RAP1GAP2: variants seen among roughly 807,000 people sequenced by gnomAD.
The protein encoded by RAP1GAP2 is rap1 GTPase-activating protein 2.
In RAP1GAP2, 27 loss-of-function variants were observed where a neutral mutation model predicts 95.0. The observed-to-expected ratio is 0.28, with a 90% CI of 0.21 to 0.39. The LOEUF is 0.39. RAP1GAP2 is among the 10% of genes least tolerant of loss of function. The pLI, the probability that RAP1GAP2 is intolerant of heterozygous loss-of-function variation, is 1.00. For synonymous variants in RAP1GAP2, 373 were observed against 380.9 expected (o/e 0.98, Z 0.24); for missense variants, 771 against 970.0 (o/e 0.79, Z 2.72).
chr17:2,932,846 G>A (rs1341348912), intron 3 of RAP1GAP2, among the ~76,000 whole-genome samples: 1 of 139,356 alleles, frequency 7.2e-6, no homozygotes, highest in African/African-American at 2.7e-5. Flanking sequence ...AAAAAAAAGA[G>A]CAGGGACCAC....
intron 2 of RAP1GAP2, among the ~76,000 whole-genome samples, chr17:2,830,306 C>T (rs979433703): frequency 3.3e-5 from 5 of 151,988 alleles, no homozygotes; most frequent in East Asian, 1.9e-4. Context: ...TCGAGCTACT[C>T]GGGAGGCTGA....
At position 2,800,566 on chromosome 17, in the gene RAP1GAP2, C is replaced by T. The variant is rs2069243456; in HGVS notation, c.80+16C>T. The T allele has an allele frequency of 1.2e-6, 2 of 1,611,252 alleles. No homozygotes were observed. The highest frequency in any genetic ancestry group is 1.7e-6 in the Non-Finnish European group (2 of 1,178,748). On this transcript the variant is annotated intron_variant, in intron 2 of 24. Coordinates refer to ENST00000254695, the MANE Select transcript of RAP1GAP2 (RefSeq NM_015085.5). ...TGAAGGTCAAGTAAGTAGCAATTTC[C>T]TGTTCTGTAAAGGTCAGAGATGACG...
intron 2 of RAP1GAP2, among the ~76,000 whole-genome samples, chr17:2,836,970 G>C (rs1340819273): frequency 6.6e-6 from 1 of 152,044 alleles, no homozygotes; most frequent in Non-Finnish European, 1.5e-5. Context: ...ATGAATTGAG[G>C]CCAGTAACGG....
At chr17:2,775,393 T>C (rs9900917), upstream of RAP1GAP2, among the ~76,000 whole-genome samples, 1 of 150,510 alleles carries the variant, frequency 6.6e-6, no homozygotes, top group African/African-American at 2.5e-5. Flanking sequence ...GAGGTGGAAG[T>C]CCTCTCCAAG....
chr17:3,036,644 G>A lies in RAP1GAP2; in HGVS notation c.*3283G>A, dbSNP rs1409540385. 6.6e-6 allele frequency: 1 copy of A among 152,218 alleles called. No homozygotes were observed. Among genetic ancestry groups the A allele is most frequent in the Non-Finnish European group, 1.5e-5 (1 of 68,060 alleles). 9.4% of individuals were successfully genotyped at this position (152,218 alleles called of 1,614,324 possible). A position where few individuals can be genotyped will look rare whatever the true frequency, so the allele number is the denominator to read the frequency against. On this transcript the variant is annotated 3_prime_UTR_variant, in exon 25 of 25. Transcript: ENST00000254695. ...GATCGGTTCTTCAGCTCCTGATGGG[G>A]GCTGTGTAATGGGGGCAGAGGCCAG...
Position 3,030,903 on chromosome 17 carries a change from T to C in RAP1GAP2, c.2108-19T>C. 2 of 1,597,612 alleles carry C rather than the reference T, an allele frequency of 1.3e-6. No homozygotes were observed. The highest frequency in any genetic ancestry group is 1.7e-6 in the Non-Finnish European group (2 of 1,170,898). On this transcript the variant is annotated intron_variant, in intron 22 of 24. Transcript: ENST00000254695. The stretch of plus-strand genomic sequence containing the variant: ...CCTCCACAGCTCCACCCTCCTTTCA[T>C]GGCCGTTCTTTTTCTTAGATGCCAA...
chr17:2,833,527 A>G (rs1309977119), intron 2 of RAP1GAP2, among the ~76,000 whole-genome samples: 2 of 151,830 alleles, frequency 1.3e-5, no homozygotes, highest in Admixed American at 6.6e-5. Flanking sequence ...CGTTTCTACT[A>G]AAAATACAAA....
At chr17:2,790,804 C>T (rs571984713) in intron 1 of RAP1GAP2, among the ~76,000 whole-genome samples, 4 of 152,322 alleles carry the variant, frequency 2.6e-5, no homozygotes, top group Middle Eastern at 3.4e-3. Context: ...CGTCCTGCCC[C>T]GAGGGCCAGG....
intron 2 of RAP1GAP2, among the ~76,000 whole-genome samples, chr17:2,847,224 G>C (rs2071626980): frequency 6.6e-6 from 1 of 152,084 alleles, no homozygotes; most frequent in Non-Finnish European, 1.5e-5. Flanking sequence ...GGCCAGACTG[G>C]TCTCGAACTC....
chr17:2,976,890 T>A (rs2045142887), intron 8 of RAP1GAP2, among the ~76,000 whole-genome samples: 1 of 151,824 alleles, frequency 6.6e-6, no homozygotes, highest in South Asian at 2.1e-4. Context: ...ATCCCAGCAC[T>A]TTGGGAGGCT....
At chr17:2,810,359 CGT>C (rs2069711227) in intron 2 of RAP1GAP2, among the ~76,000 whole-genome samples, 1 of 144,488 alleles carries the variant, frequency 6.9e-6, no homozygotes. Flanking sequence ...TCAAATTAGT[CGT>C]TTTTTTTTTT....
At chr17:2,832,984 G>A (rs1479881758) in intron 2 of RAP1GAP2, among the ~76,000 whole-genome samples, 5 of 151,766 alleles carry the variant, frequency 3.3e-5, no homozygotes, top group South Asian at 2.1e-4. Context: ...TCAAAAAAAC[G>A]AAAACAAAAA....
In RAP1GAP2 at chr17:2,870,840, C is replaced by G. The variant is rs2072814680; in HGVS notation, c.81-34444C>G. 6.6e-6 allele frequency among the ~76,000 whole-genome samples: 1 copy of G among 152,230 alleles called. No homozygotes were observed. Among genetic ancestry groups the G allele is most frequent in the South Asian group, 2.1e-4 (1 of 4,830 alleles). On this transcript the variant is annotated intron_variant, in intron 2 of 24. Coordinates refer to ENST00000254695, the MANE Select transcript of RAP1GAP2 (RefSeq NM_015085.5). This position sits in a 1 kb window ranked among gnomAD's most constrained non-coding sequence, Gnocchi z 4.4. ...CCAGGGGCATTGGCAGAACTCCTCT[C>G]TGTCTCGTCACTGTGTCTCTTTGTG...
At chr17:3,031,882 G>C (rs113390890) in intron 23 of RAP1GAP2, among the ~76,000 whole-genome samples, 1 of 145,162 alleles carries the variant, frequency 6.9e-6, no homozygotes, top group Admixed American at 6.7e-5. Flanking sequence ...ATGTGGGAAG[G>C]GCTGGTTCCT....
chr17:2,781,715 A>T (rs111587921), intron 1 of RAP1GAP2, among the ~76,000 whole-genome samples: 3,441 of 58,086 alleles, frequency 0.059, 68 homozygotes, highest in African/African-American at 0.072. Context: ...TCTCTGTGTG[A>T]GCACGTCTCT....
rs979556818 is a variant in RAP1GAP2 at position 3,004,224 on chromosome 17, G to A, written c.1201-1145G>A. 1.3e-5 allele frequency among the ~76,000 whole-genome samples: 2 copies of A among 152,230 alleles called. No individual in the cohort carries two copies. Among genetic ancestry groups the A allele is most frequent in the Non-Finnish European group, 2.9e-5 (2 of 68,034 alleles). On this transcript the variant is annotated intron_variant, in intron 14 of 24. Transcript: ENST00000254695. The surrounding 1 kb of genome is among the most constrained non-coding windows in gnomAD (Gnocchi z 4.1). ...CAGCCAGAAATCACGTCAGCCGAAC[G>A]CGCACCATTTCCTGACTCGGGGCAC...
At chr17:2,846,543 T>C (rs1219030098) in intron 2 of RAP1GAP2, among the ~76,000 whole-genome samples, 1 of 152,074 alleles carries the variant, frequency 6.6e-6, no homozygotes, top group Admixed American at 6.6e-5. Context: ...CCCGAGTAGC[T>C]GGGATTACAG....
At chr17:2,937,207 C>G (rs989841076) in intron 3 of RAP1GAP2, among the ~76,000 whole-genome samples, 1 of 151,998 alleles carries the variant, frequency 6.6e-6, no homozygotes, top group Non-Finnish European at 1.5e-5. Flanking sequence ...GGAGAGGGAC[C>G]GAGGGTGATC....
At position 2,880,363 on chromosome 17, in the gene RAP1GAP2, G is replaced by A. The variant is rs550161936; in HGVS notation, c.81-24921G>A. 5.3e-5 allele frequency among the ~76,000 whole-genome samples: 8 copies of A among 152,056 alleles called. No individual in the cohort carries two copies. The East Asian group carries it at 1.4e-3, about 26-fold the overall frequency. ...TGGGTGGGGCCGTTGGGACAAGGGG[G>A]TGCGGAGAGTTGGGTTTGAGCCACA... On this transcript the variant is annotated intron_variant, in intron 2 of 24. Coordinates refer to ENST00000254695, the MANE Select transcript of RAP1GAP2 (RefSeq NM_015085.5).
Sources: gnomAD v4.1 joint callset for allele counts (sites outside exome capture counted in the v4.1 genomes callset) on GRCh38, gnomAD v4.1.1 for gene constraint, Gnocchi (gnomAD v3.1) non-coding constraint, MANE v1.5 for transcripts, NCBI Gene and HGNC (gene_info 2026-07-23, HGNC 2026-07-21) for gene names.